Variants in ADGRL3 observed in about 807,000 individuals in gnomAD.
The protein encoded by ADGRL3 is adhesion G protein-coupled receptor L3.
Under a neutral mutation model 153.5 loss-of-function variants are expected in ADGRL3, and 62 were observed. The observed-to-expected ratio is 0.40, with a 90% CI of 0.33 to 0.50. The LOEUF (loss-of-function observed/expected upper bound fraction) is 0.50. Among genes scored for constraint, ADGRL3 ranks in the 20% least tolerant of loss-of-function variants. The pLI, the probability that ADGRL3 is intolerant of heterozygous loss-of-function variation, is 0.47. For missense variants in ADGRL3, 1,641 were observed against 1,859.4 expected, an observed-to-expected ratio of 0.88 and a Z score of 2.16; for synonymous variants, 710 against 672.5, an observed-to-expected ratio of 1.06 and a Z score of -0.86.
At chr4:61,473,571 A>G (rs2097998204) in intron 2 of ADGRL3, among the ~76,000 whole-genome samples, 1 of 152,084 alleles carries the variant, frequency 6.6e-6, no homozygotes, top group African/African-American at 2.4e-5. Context: ...CATATGTAAA[A>G]GTGATATAAT....
In ADGRL3 at chr4:61,442,515, G is replaced by A. The variant is rs969623449; in HGVS notation, c.-173-54606G>A. Among the ~76,000 whole-genome samples, 5 of 152,136 alleles carry A rather than the reference G, an allele frequency of 3.3e-5. No individual in the cohort carries two copies. In the East Asian group the frequency reaches 9.6e-4, roughly 29 times the overall value. ...AAAGCTGATCAGGGAGATCATTTAG[G>A]AACTATTTCTGATCATCTAGAAGAG... On this transcript the variant is annotated intron_variant, in intron 2 of 26. Coordinates refer to ENST00000683033, the MANE Select transcript of ADGRL3 (RefSeq NM_001387552.1).
intron 2 of ADGRL3, among the ~76,000 whole-genome samples, chr4:61,450,893 A>G (rs1383213312): frequency 6.6e-6 from 1 of 152,122 alleles, no homozygotes; most frequent in Non-Finnish European, 1.5e-5. Flanking sequence ...TGCTTCCCAG[A>G]GAAGAGTGAA....
At chr4:61,908,082 T>C (rs1443094220) in intron 11 of ADGRL3, among the ~76,000 whole-genome samples, 2 of 151,948 alleles carry the variant, frequency 1.3e-5, no homozygotes, top group Non-Finnish European at 2.9e-5. Context: ...AGTGGAAGGA[T>C]AGCGTAAGAC....
At chr4:61,356,337 G>C (rs1270363814) in intron 1 of ADGRL3, among the ~76,000 whole-genome samples, 2 of 151,836 alleles carry the variant, frequency 1.3e-5, no homozygotes, top group Non-Finnish European at 2.9e-5. Context: ...AATACTTAAG[G>C]CTACATCAAA....
intron 18 of ADGRL3, 40 bp downstream of exon 18, chr4:61,979,812 C>T (rs1245604536): frequency 3.2e-6 from 5 of 1,545,622 alleles, no homozygotes; most frequent in South Asian, 1.1e-5. Context: ...AATTTTTCCA[C>T]TTCCAGCTTT....
In ADGRL3 at chr4:61,876,022, T is replaced by TAA. The variant is rs33994763; in HGVS notation, c.1481-16625_1481-16624dup. On this transcript the variant is annotated intron_variant, in intron 9 of 26. Transcript: ENST00000683033. ...GCAGCATACAGTGAAACCCTGTCTC[T>TAA]AAAAAAAAAATAGAAAAGAAAAAAA... 5.1e-4 allele frequency among the ~76,000 whole-genome samples: 76 copies of TAA among 147,830 alleles called. 1 individual carries two copies. Among genetic ancestry groups the TAA allele is most frequent in the Admixed American group, 3.6e-3 (53 of 14,882 alleles).
At chr4:61,704,801 C>T (rs1329645449) in intron 6 of ADGRL3, among the ~76,000 whole-genome samples, 1 of 152,216 alleles carries the variant, frequency 6.6e-6, no homozygotes, top group Admixed American at 6.5e-5. Context: ...ATGTTCACAA[C>T]ATCTTCACCA....
chr4:61,667,254 C>T (rs1333135654), intron 5 of ADGRL3, among the ~76,000 whole-genome samples: 4 of 152,060 alleles, frequency 2.6e-5, no homozygotes, highest in African/African-American at 4.8e-5. Flanking sequence ...CACATTTCTA[C>T]ATTTTCAGAA....
intron 2 of ADGRL3, among the ~76,000 whole-genome samples, chr4:61,406,781 C>T (rs1345179566): frequency 6.6e-6 from 1 of 151,882 alleles, no homozygotes; most frequent in Non-Finnish European, 1.5e-5. Context: ...ACTTATTCAG[C>T]ATGCCAGGTT....
intron 25 of ADGRL3, among the ~76,000 whole-genome samples, chr4:62,057,981 A>T (rs1235792517): frequency 6.6e-6 from 1 of 152,142 alleles, no homozygotes; most frequent in Non-Finnish European, 1.5e-5. Flanking sequence ...GCCATGCTTG[A>T]TACACATATG....
intron 9 of ADGRL3, among the ~76,000 whole-genome samples, chr4:61,867,291 G>T (rs1032357075): frequency 2.6e-5 from 4 of 151,526 alleles, no homozygotes; most frequent in African/African-American, 9.7e-5. Flanking sequence ...TTGAGCTCAG[G>T]AGTTTGAGAC....
At chr4:61,343,300 C>A (rs1043509299) in intron 1 of ADGRL3, among the ~76,000 whole-genome samples, 19 of 152,170 alleles carry the variant, frequency 1.2e-4, no homozygotes, top group African/African-American at 4.1e-4. Flanking sequence ...TCTTCCAACT[C>A]GCTTTCTCAG....
At chr4:61,464,270 T>C (rs1206394052) in intron 2 of ADGRL3, among the ~76,000 whole-genome samples, 1 of 152,170 alleles carries the variant, frequency 6.6e-6, no homozygotes, top group Non-Finnish European at 1.5e-5. Flanking sequence ...ACAAGTGTTG[T>C]AGCAGAACTG....
chr4:61,528,530 G>A (rs568171871), intron 4 of ADGRL3, among the ~76,000 whole-genome samples: 4 of 152,154 alleles, frequency 2.6e-5, no homozygotes, highest in Admixed American at 6.5e-5. Flanking sequence ...TTGGAGATAC[G>A]TGCCACCATA....
At chr4:61,330,713 C>A (rs765311583) in intron 1 of ADGRL3, among the ~76,000 whole-genome samples, 35 of 152,114 alleles carry the variant, frequency 2.3e-4, no homozygotes, top group Admixed American at 8.5e-4. Context: ...AAGAACAAAG[C>A]TTCCACTGCG....
rs190973972 is a variant in ADGRL3, at chr4:61,376,098, G to A, written c.-239-7026G>A. On this transcript the variant is annotated intron_variant, in intron 1 of 26. Transcript: ENST00000683033. ...TTGTTATATTTTCATTACTTGCAAA[G>A]CAAACTTCCAATTGTTTTGAACTGT... Among the ~76,000 whole-genome samples the A allele has an allele frequency of 1.0e-3, 157 of 152,120 alleles. 2 individuals carry two copies. The East Asian group carries it at 0.021, about 21-fold the overall frequency.
chr4:61,451,158 T>A (rs906921691), intron 2 of ADGRL3, among the ~76,000 whole-genome samples: 5 of 152,148 alleles, frequency 3.3e-5, no homozygotes, highest in Non-Finnish European at 5.9e-5. Context: ...CCTATTTTTT[T>A]AATCCCTGAT....
intron 8 of ADGRL3, among the ~76,000 whole-genome samples, chr4:61,804,285 T>C (rs980296666): frequency 6.6e-6 from 1 of 152,190 alleles, no homozygotes; most frequent in Non-Finnish European, 1.5e-5. Flanking sequence ...GGGGCATATA[T>C]TGATCTCAAT....
Position 61,733,041 on chromosome 4 carries a change from A to G in ADGRL3, c.886A>G (p.Ile296Val), listed in dbSNP as rs749770498. The change falls in exon 8 of 27, where the codon ATA (isoleucine) becomes GTA (valine). Residue 296 changes from isoleucine to valine, a missense_variant. By Grantham distance (29) the Ile-to-Val change is conservative. Coordinates refer to ENST00000683033, the MANE Select transcript of ADGRL3 (RefSeq NM_001387552.1). ...CTTCAACAAAGAGCGCACCAGGAACATAGTAAAGTTTGATTTGCGGACTAG... is the reference window on the plus strand; with the variant it reads ...CTTCAACAAAGAGCGCACCAGGAACGTAGTAAAGTTTGATTTGCGGACTAG... ...LFFNKERTRN[I>V]VKFDLRTRIK... 6.2e-7 allele frequency: 1 copy of G among 1,613,756 alleles called. No homozygotes were observed. Among genetic ancestry groups the G allele is most frequent in the Non-Finnish European group, 8.5e-7 (1 of 1,179,824 alleles).
Sources: gnomAD v4.1 joint callset for allele counts (sites outside exome capture counted in the v4.1 genomes callset) on GRCh38, gnomAD v4.1.1 for gene constraint, MANE v1.5 for transcripts, NCBI Gene and HGNC (gene_info 2026-07-23, HGNC 2026-07-21) for gene names.